The following ACBD6 variants were observed in gnomAD, a reference collection of about 807,000 sequenced individuals.
ACBD6 encodes the protein acyl-CoA binding domain containing 6, also known as acyl-CoA-binding domain-containing protein 6.
A neutral mutation model predicts 37.2 loss-of-function variants in ACBD6; 28 were observed. That is an observed-to-expected ratio of 0.75 (90% CI 0.56 to 1.03). ACBD6 has a LOEUF of 1.03. ACBD6 is among the 50% of genes least tolerant of loss of function. ACBD6 has a pLI of 0.00. For synonymous variants in ACBD6, 113 were observed against 126.8 expected, an observed-to-expected ratio of 0.89 and a Z score of 0.73; for missense variants, 340 against 337.4, an observed-to-expected ratio of 1.01 and a Z score of -0.06.
At chr1:180,286,115 G>A (rs1009377680), downstream of ACBD6, among the ~76,000 whole-genome samples, 16 of 152,126 alleles carry the variant, frequency 1.1e-4, no homozygotes, top group African/African-American at 3.9e-4. Flanking sequence ...TTAAGGCACA[G>A]GGAGATGATC....
At chr1:180,444,690 T>G (rs1297059630) in intron 3 of ACBD6, among the ~76,000 whole-genome samples, 1 of 150,902 alleles carries the variant, frequency 6.6e-6, no homozygotes, top group East Asian at 1.9e-4. Context: ...TCAAAATCCA[T>G]TAAGTCACTT....
chr1:180,439,903 T>C (rs576527016), intron 3 of ACBD6, among the ~76,000 whole-genome samples: 3 of 152,314 alleles, frequency 2.0e-5, no homozygotes, highest in Admixed American at 6.5e-5. Flanking sequence ...AGTTCAGTGA[T>C]CTTTTAAAGA....
chr1:180,456,393 T>C (rs1279430859), intron 3 of ACBD6, among the ~76,000 whole-genome samples: 1 of 152,154 alleles, frequency 6.6e-6, no homozygotes, highest in Non-Finnish European at 1.5e-5. Context: ...TATGTGACAG[T>C]AGCAATTACA....
downstream of ACBD6, among the ~76,000 whole-genome samples, chr1:180,284,101 C>G (rs1474541450): frequency 6.6e-6 from 1 of 152,124 alleles, no homozygotes; most frequent in East Asian, 1.9e-4. Flanking sequence ...AATAGCTTTA[C>G]CTGTTCAATC....
intron 6 of ACBD6, among the ~76,000 whole-genome samples, chr1:180,359,090 C>T (rs1009239751): frequency 1.3e-5 from 2 of 152,156 alleles, no homozygotes; most frequent in African/African-American, 2.4e-5. Flanking sequence ...AAATGCAGAA[C>T]GGCTCCAGAA....
intron 3 of ACBD6, among the ~76,000 whole-genome samples, chr1:180,457,685 T>C (rs1002888706): frequency 2.6e-5 from 4 of 152,048 alleles, no homozygotes; most frequent in East Asian, 1.9e-4. Context: ...GCAAAATTAA[T>C]AGAAGAAGCC....
intron 4 of ACBD6, 117 bp from the exon 5 acceptor site, chr1:180,413,588 T>C: frequency 1.3e-6 from 1 of 755,118 alleles, no homozygotes; most frequent in Non-Finnish European, 2.2e-6. Context: ...TACAAAAAAA[T>C]TTTACATGAA....
intron 3 of ACBD6, among the ~76,000 whole-genome samples, chr1:180,441,818 A>G (rs535184750): frequency 1.4e-4 from 22 of 152,292 alleles, no homozygotes; most frequent in African/African-American, 4.8e-4. Context: ...GTGTAGGATC[A>G]TGTCACCGAT....
At chr1:180,325,250 G>A (rs1651212773) in intron 6 of ACBD6, among the ~76,000 whole-genome samples, 1 of 152,036 alleles carries the variant, frequency 6.6e-6, no homozygotes, top group African/African-American at 2.4e-5. Flanking sequence ...TTTTGAGGCT[G>A]TTTTCTAGAT....
At chr1:180,500,652 C>T (rs1223791559) in intron 1 of ACBD6, among the ~76,000 whole-genome samples, 3 of 150,006 alleles carry the variant, frequency 2.0e-5, no homozygotes, top group Non-Finnish European at 4.4e-5. Context: ...TAAGATCCAG[C>T]CACTGCACTC....
chr1:180,364,404 G>A (rs913406848), intron 6 of ACBD6, among the ~76,000 whole-genome samples: 6 of 152,200 alleles, frequency 3.9e-5, no homozygotes, highest in Non-Finnish European at 8.8e-5. Flanking sequence ...CTAGGTTGGT[G>A]AAACTAGTCT....
chr1:180,482,974 T>C (rs1226612300), intron 3 of ACBD6, among the ~76,000 whole-genome samples: 2 of 152,204 alleles, frequency 1.3e-5, no homozygotes, highest in African/African-American at 4.8e-5. Flanking sequence ...TATCATTTAG[T>C]GGACAATGTG....
intron 3 of ACBD6, among the ~76,000 whole-genome samples, chr1:180,471,400 A>AG (rs1199262893): frequency 3.0e-3 from 113 of 37,326 alleles, no homozygotes; most frequent in African/African-American, 5.9e-3. Context: ...TGAGATTTTA[A>AG]GGAAAAAAAA....
At chr1:180,501,020 C>T (rs1023713712) in intron 1 of ACBD6, among the ~76,000 whole-genome samples, 2 of 152,078 alleles carry the variant, frequency 1.3e-5, no homozygotes, top group African/African-American at 4.8e-5. Flanking sequence ...ACCAATGTCA[C>T]CCTGAATTAT....
chr1:180,422,899 G>T (rs10913991), intron 4 of ACBD6, among the ~76,000 whole-genome samples: 17,358 of 152,160 alleles, frequency 0.11, 1,486 homozygotes, highest in African/African-American at 0.24. Context: ...AGCTACAAAA[G>T]TACTGCAGTA....
At chr1:180,438,886 A>G (rs1649167848) in intron 3 of ACBD6, among the ~76,000 whole-genome samples, 1 of 152,156 alleles carries the variant, frequency 6.6e-6, no homozygotes, top group African/African-American at 2.4e-5. Flanking sequence ...TCACTGCCCT[A>G]AAAATCCCGT....
intron 3 of ACBD6, among the ~76,000 whole-genome samples, chr1:180,480,695 A>G (rs1650996992): frequency 6.6e-6 from 1 of 152,162 alleles, no homozygotes; most frequent in South Asian, 2.1e-4. Flanking sequence ...TTAGGCTCAC[A>G]TTATGTTTAA....
chr1:180,378,780 C>T (rs967549602), intron 6 of ACBD6, among the ~76,000 whole-genome samples: 2 of 152,094 alleles, frequency 1.3e-5, no homozygotes, highest in African/African-American at 2.4e-5. Flanking sequence ...TAGATGGCAC[C>T]CCCCAGCATG....
intron 5 of ACBD6, among the ~76,000 whole-genome samples, chr1:180,410,353 A>G (rs757303330): frequency 1.3e-5 from 2 of 152,222 alleles, no homozygotes; most frequent in Non-Finnish European, 2.9e-5. Context: ...TAGAGAAAAT[A>G]GACTACTCCT....
Sources: allele counts gnomAD v4.1 joint callset (sites outside exome capture counted in the v4.1 genomes callset), GRCh38; gene constraint gnomAD v4.1.1; transcripts MANE v1.5; gene names NCBI Gene and HGNC (gene_info 2026-07-23, HGNC 2026-07-21).